Variants in NOD1 observed in about 807,000 individuals in gnomAD.
The protein encoded by NOD1 is nucleotide-binding oligomerization domain-containing protein 1.
In NOD1, 70 loss-of-function variants were observed where a neutral mutation model predicts 81.2. The ratio of observed to expected loss-of-function variants is 0.86; its 90% confidence interval spans 0.71 to 1.05. The LOEUF is 1.05. NOD1 is among the 50% of genes least tolerant of loss of function. NOD1 has a pLI of 0.00. For synonymous variants in NOD1, 508 were observed against 526.9 expected (o/e 0.96, Z 0.49); for missense variants, 1,233 against 1,228.0 (o/e 1.00, Z -0.06).
chr7:30,457,109 G>C, intron 3 of NOD1, 67 bp from the exon 4 acceptor site: 2 of 595,202 alleles, frequency 3.4e-6, no homozygotes, highest in South Asian at 2.0e-5. Context: ...ACCTCCCACT[G>C]GTTGTGGGGT....
At chr7:30,427,627 G>T (rs1783569598) in intron 13 of NOD1, among the ~76,000 whole-genome samples, 2 of 152,176 alleles carry the variant, frequency 1.3e-5, no homozygotes, top group Admixed American at 1.3e-4. Flanking sequence ...CGCCTGTCCT[G>T]CCCTCTCTGA....
At position 30,455,016 on chromosome 7, in the gene NOD1, A is replaced by T. The variant is rs1036152269; in HGVS notation, c.376+121T>A. 7.0e-6 allele frequency: 7 copies of T among 994,298 alleles called. No individual in the cohort carries two copies. The African/African-American group carries it at 1.1e-4, about 16-fold the overall frequency. The allele number at this position is 994,298 out of a possible 1,614,324, so 61.6% of individuals were successfully genotyped here. A position where few individuals can be genotyped will look rare whatever the true frequency, so the allele number is the denominator to read the frequency against. The stretch of plus-strand genomic sequence containing the variant: ...ACAGGATTCAGCTGTTCCTTTCTAA[A>T]ATCAAAATAGCACCTGGGCCTGCTT... On this transcript the variant is annotated intron_variant, in intron 5 of 13. Transcript: ENST00000222823.
chr7:30,467,862 C>T lies in NOD1; in HGVS notation c.-351-7821G>A, dbSNP rs1425996145. Among the ~76,000 whole-genome samples, 3 of 152,004 alleles carry T rather than the reference C, an allele frequency of 2.0e-5. No homozygotes were observed. Among genetic ancestry groups the T allele is most frequent in the African/African-American group, 4.8e-5 (2 of 41,372 alleles). ...GATTACAGGCACCTGCCACCACACC[C>T]GGCTAATTTTTGTATTTTTAGTAGA... On this transcript the variant is annotated intron_variant, in intron 1 of 13. Transcript: ENST00000222823. This position sits in a 1 kb window ranked among gnomAD's most constrained non-coding sequence, Gnocchi z 4.5.
intron 8 of NOD1, 63 bp downstream of exon 8, chr7:30,446,904 T>A: frequency 7.6e-7 from 1 of 1,313,564 alleles, no homozygotes; most frequent in Non-Finnish European, 1.1e-6. Context: ...CATTTAATCT[T>A]TGAACAACAG....
chr7:30,466,621 CACACCACTGT>C (rs1178227949), intron 1 of NOD1, among the ~76,000 whole-genome samples: 1 of 152,148 alleles, frequency 6.6e-6, no homozygotes, highest in African/African-American at 2.4e-5. Context: ...GAGCTATGAT[CACACCACTGT>C]ACTCCAGCCT....
intron 1 of NOD1, among the ~76,000 whole-genome samples, chr7:30,474,414 C>T (rs905575853): frequency 3.3e-5 from 5 of 152,200 alleles, no homozygotes; most frequent in African/African-American, 1.2e-4. Context: ...AGGCAGTGAT[C>T]CCCAACCTTT....
Position 30,446,999 on chromosome 7 carries a change from G to T in NOD1, c.2337C>A (p.Ile779=), listed in dbSNP as rs1386616776. 1.5e-5 allele frequency: 25 copies of T among 1,614,168 alleles called. No individual in the cohort carries two copies. Among genetic ancestry groups the T allele is most frequent in the Non-Finnish European group, 1.9e-5 (23 of 1,180,002 alleles). ...TDVGARYVTK[I]LDECKGLTHL... ...GCGTGAGGCCTTTGCATTCATCCAGGATTTTGGTGACGTACCTGGCTCCGA... is the reference window on the plus strand; with the variant it reads ...GCGTGAGGCCTTTGCATTCATCCAGTATTTTGGTGACGTACCTGGCTCCGA... The change falls in exon 8 of 14, where the codon ATC becomes ATA. Residue 779 remains isoleucine, a synonymous_variant. Transcript: ENST00000222823.
intron 9 of NOD1, among the ~76,000 whole-genome samples, chr7:30,439,207 G>C (rs1784652169): frequency 6.6e-6 from 1 of 152,210 alleles, no homozygotes; most frequent in African/African-American, 2.4e-5. Context: ...ATGTGATCCA[G>C]CAATCCCACT....
At chr7:30,441,108 G>T (rs1377015447) in intron 9 of NOD1, among the ~76,000 whole-genome samples, 1 of 46,262 alleles carries the variant, frequency 2.2e-5, no homozygotes, top group Non-Finnish European at 4.2e-5. Flanking sequence ...TGAAGGAAGC[G>T]GTAAACATGG....
chr7:30,446,922 T>A, intron 8 of NOD1, 45 bp downstream of exon 8: 1 of 1,413,624 alleles, frequency 7.1e-7, no homozygotes, highest in Non-Finnish European at 9.9e-7. Context: ...CAGAAGGGGG[T>A]GATCAAGAGA....
intron 1 of NOD1, among the ~76,000 whole-genome samples, chr7:30,476,660 AG>A (rs1222686639): frequency 1.3e-5 from 2 of 152,238 alleles, no homozygotes; most frequent in Non-Finnish European, 2.9e-5. Flanking sequence ...GGCAACAGAG[AG>A]GAGGAAGTCT....
intron 8 of NOD1, 100 bp downstream of exon 8, chr7:30,446,867 C>A: frequency 1.0e-6 from 1 of 968,316 alleles, no homozygotes; most frequent in Non-Finnish European, 1.6e-6. Context: ...AAGTGGAAGG[C>A]TTTAGGATGA....
Position 30,425,608 on chromosome 7 carries a change from C to CA in NOD1, c.*29dup, listed in dbSNP as rs1783375982. 2 of 1,578,106 alleles carry CA rather than the reference C, an allele frequency of 1.3e-6. No individual in the cohort carries two copies. Among genetic ancestry groups the CA allele is most frequent in the African/African-American group, 1.3e-5 (1 of 74,240 alleles). ...GGCATTTGCTGCTGAGGCTCCAGGG[C>CA]AAAAACCCCATGAACAGGAAAGCAT... On this transcript the variant is annotated 3_prime_UTR_variant, in exon 14 of 14. Transcript: ENST00000222823.
Position 30,451,562 on chromosome 7 carries a change from C to G in NOD1, c.1855G>C (p.Ala619Pro), listed in dbSNP as rs1361524588. Residue 619 changes from alanine to proline, a missense_variant, in exon 6 of 14, where the codon GCC becomes CCC. Ala to Pro is a conservative substitution (Grantham distance 27). Coordinates refer to ENST00000222823, the MANE Select transcript of NOD1 (RefSeq NM_006092.4). This position sits in a 1 kb window ranked among gnomAD's most constrained non-coding sequence, Gnocchi z 4.2. ...PAAALRRKRK[A>P]LWAHLFSSLR... is the part of the protein sequence containing the mutation. ...CTGGAAAACAGGTGTGCCCACAGGG[C>G]CTTGCGCTTTCTCCTCAGGGCTGCC... The G allele has an allele frequency of 1.9e-6, 3 of 1,613,496 alleles. No individual in the cohort carries two copies. The South Asian group carries it at 3.3e-5, about 18-fold the overall frequency.
chr7:30,430,197 A>AAATAGTTCTCATGAATAGTTCTCATG (rs1027862139), intron 12 of NOD1, among the ~76,000 whole-genome samples: 1 of 152,206 alleles, frequency 6.6e-6, no homozygotes, highest in Admixed American at 6.5e-5. Flanking sequence ...TGCTGCCATG[A>AAATAGTTCTCATGAATAGTTCTCATG]AATAGTTCTC....
intron 3 of NOD1, among the ~76,000 whole-genome samples, chr7:30,457,797 C>T (rs1786538443): frequency 6.6e-6 from 1 of 152,214 alleles, no homozygotes; most frequent in Non-Finnish European, 1.5e-5. Flanking sequence ...AGCATGAAGT[C>T]TCCTGTGGTA....
intron 9 of NOD1, among the ~76,000 whole-genome samples, chr7:30,438,427 T>G (rs1784574146): frequency 6.6e-6 from 1 of 152,058 alleles, no homozygotes; most frequent in Non-Finnish European, 1.5e-5. Context: ...CGTCATGGAG[T>G]TGTGAGGATT....
intron 9 of NOD1, among the ~76,000 whole-genome samples, chr7:30,445,909 G>A (rs538097383): frequency 1.5e-4 from 22 of 151,604 alleles, no homozygotes; most frequent in African/African-American, 4.6e-4. Context: ...CAAAACCATA[G>A]AGAGAGTAAG....
chr7:30,427,198 G>A (rs763545271), intron 13 of NOD1, among the ~76,000 whole-genome samples: 1 of 152,172 alleles, frequency 6.6e-6, no homozygotes, highest in African/African-American at 2.4e-5. Context: ...CAGTCTGGAG[G>A]AGATAGCCTC....
Sources: gnomAD v4.1 joint callset for allele counts (sites outside exome capture counted in the v4.1 genomes callset) on GRCh38, gnomAD v4.1.1 for gene constraint, Gnocchi (gnomAD v3.1) non-coding constraint, MANE v1.5 for transcripts, NCBI Gene and HGNC (gene_info 2026-07-23, HGNC 2026-07-21) for gene names.